Variants in HMGCLL1 observed in about 807,000 individuals in gnomAD.
The protein encoded by HMGCLL1 is 3-hydroxy-3-methylglutaryl-CoA lyase like 1, also known as 3-hydroxymethyl-3-methylglutaryl-CoA lyase, cytoplasmic.
Under a neutral mutation model 39.1 loss-of-function variants are expected in HMGCLL1, and 36 were observed. That is an observed-to-expected ratio of 0.92 (90% CI 0.71 to 1.22). The LOEUF is 1.22. Among genes scored for constraint, HMGCLL1 ranks in the 50% most tolerant of loss-of-function variants. The pLI is 0.00. For missense variants in HMGCLL1, 451 were observed against 416.5 expected (o/e 1.08, Z -0.72); for synonymous variants, 149 against 144.0 (o/e 1.03, Z -0.25).
chr6:55,673,120 A>G, the HMGCLL1 span, among the ~76,000 whole-genome samples: 1 of 151,974 alleles, frequency 6.6e-6, no homozygotes, highest in Admixed American at 6.6e-5. Flanking sequence ...ACCATTTCTC[A>G]TAACAGCAAG....
intron 1 of HMGCLL1, among the ~76,000 whole-genome samples, chr6:55,552,642 T>G (rs1370261598): frequency 6.6e-6 from 1 of 152,120 alleles, no homozygotes; most frequent in Admixed American, 6.5e-5. Flanking sequence ...ATTTTTTGTT[T>G]ATTTATTCAT....
At chr6:55,502,717 T>G (rs1002566248) in intron 5 of HMGCLL1, among the ~76,000 whole-genome samples, 23 of 19,484 alleles carry the variant, frequency 1.2e-3, no homozygotes, top group Admixed American at 2.8e-3. Flanking sequence ...GATCTGGTTT[T>G]TTTTTTTTTG....
intron 7 of HMGCLL1, among the ~76,000 whole-genome samples, chr6:55,469,888 A>G (rs1393996973): frequency 6.6e-6 from 1 of 151,868 alleles, no homozygotes; most frequent in Non-Finnish European, 1.5e-5. Flanking sequence ...ATAAAGCCAA[A>G]TGTCCCTTTT....
intron 7 of HMGCLL1, among the ~76,000 whole-genome samples, chr6:55,446,843 G>C (rs1373639519): frequency 2.6e-5 from 4 of 151,518 alleles, no homozygotes; most frequent in Non-Finnish European, 4.4e-5. Flanking sequence ...TAGTTATTGA[G>C]GTTACTAAAG....
chr6:55,549,305 C>G (rs1770178497), intron 1 of HMGCLL1, among the ~76,000 whole-genome samples: 1 of 151,646 alleles, frequency 6.6e-6, no homozygotes. Context: ...CACTCTCCCA[C>G]CTTGCTGTCA....
chr6:55,573,207 CTTAAT>C (rs1771605003), intron 1 of HMGCLL1, among the ~76,000 whole-genome samples: 1 of 152,150 alleles, frequency 6.6e-6, no homozygotes. Context: ...ACTTGATTAG[CTTAAT>C]TTAAGTTATC....
At chr6:55,527,096 A>C (rs1768361149) in intron 3 of HMGCLL1, among the ~76,000 whole-genome samples, 1 of 152,054 alleles carries the variant, frequency 6.6e-6, no homozygotes, top group South Asian at 2.1e-4. Flanking sequence ...CATATCTTCT[A>C]CCTTCTATAT....
At chr6:55,500,653 T>G (rs56918417) in intron 5 of HMGCLL1, among the ~76,000 whole-genome samples, 4,130 of 152,066 alleles carry the variant, frequency 0.027, 189 homozygotes, top group African/African-American at 0.095. Context: ...TGGAAAGTTA[T>G]GCCAGACAGG....
At chr6:55,620,571 C>T in the HMGCLL1 span, among the ~76,000 whole-genome samples, 2 of 151,894 alleles carry the variant, frequency 1.3e-5, no homozygotes, top group African/African-American at 4.8e-5. Context: ...AGCATTTTAA[C>T]TTAAAATATC....
chr6:55,434,605 C>A lies in HMGCLL1; in HGVS notation c.*1057G>T, dbSNP rs185129038. The A allele has an allele frequency of 2.0e-5, 3 of 152,108 alleles. 1 individual carries two copies. Among genetic ancestry groups the A allele is most frequent in the Admixed American group, 2.0e-4 (3 of 15,230 alleles). 9.4% of individuals were successfully genotyped at this position (152,108 alleles called of 1,614,324 possible). On this transcript the variant is annotated 3_prime_UTR_variant, in exon 9 of 9. Coordinates refer to ENST00000274901, the MANE Select transcript of HMGCLL1 (RefSeq NM_001042406.2). ...ACAGAAGTTTATCTTGAATAGTCCTCCTGCTCCTCATCCCTGACTTTGATA... is the reference window on the plus strand; with the variant it reads ...ACAGAAGTTTATCTTGAATAGTCCTACTGCTCCTCATCCCTGACTTTGATA...
chr6:55,541,011 G>T (rs1439680693), intron 3 of HMGCLL1, among the ~76,000 whole-genome samples: 2 of 152,070 alleles, frequency 1.3e-5, no homozygotes, highest in African/African-American at 4.8e-5. Flanking sequence ...CCAAGGAAAT[G>T]ATATCAGGAG....
the HMGCLL1 span, among the ~76,000 whole-genome samples, chr6:55,624,514 T>C: frequency 6.6e-6 from 1 of 152,172 alleles, no homozygotes; most frequent in African/African-American, 2.4e-5. Flanking sequence ...ATCATCTCTT[T>C]GGCTTTTTGT....
In HMGCLL1 at chr6:55,579,144, G is replaced by A; in HGVS notation, c.-89C>T. ...CGCGCTGGGAAACTGCGCCAGCTCG[G>A]GAGCGCGCCCCTCCGGTGCACTGGC... On this transcript the variant is annotated 5_prime_UTR_variant, in exon 1 of 9. Coordinates refer to ENST00000274901, the MANE Select transcript of HMGCLL1 (RefSeq NM_001042406.2). The A allele has an allele frequency of 1.0e-6, 1 of 979,032 alleles. No individual in the cohort carries two copies. The highest frequency in any genetic ancestry group is 1.6e-6 in the Non-Finnish European group (1 of 634,330). The allele number at this position is 979,032 out of a possible 1,614,324, so 60.6% of individuals were successfully genotyped here.
chr6:55,559,868 G>A (rs1453727700), intron 1 of HMGCLL1, among the ~76,000 whole-genome samples: 1 of 152,124 alleles, frequency 6.6e-6, no homozygotes, highest in East Asian at 1.9e-4. Context: ...TCCAGATGCT[G>A]AAATGTCTAG....
intron 3 of HMGCLL1, among the ~76,000 whole-genome samples, chr6:55,527,352 A>G (rs925548756): frequency 6.6e-6 from 1 of 152,072 alleles, no homozygotes; most frequent in Non-Finnish European, 1.5e-5. Flanking sequence ...CTCCTGTAAG[A>G]GCCAGGAATC....
At chr6:55,621,238 A>T in the HMGCLL1 span, among the ~76,000 whole-genome samples, 1 of 152,152 alleles carries the variant, frequency 6.6e-6, no homozygotes, top group South Asian at 2.1e-4. Context: ...AACAACATTG[A>T]TTATTCCAAT....
At chr6:55,596,941 A>G in the HMGCLL1 span, among the ~76,000 whole-genome samples, 1 of 152,156 alleles carries the variant, frequency 6.6e-6, no homozygotes, top group East Asian at 1.9e-4. Context: ...TTGTTAATTT[A>G]TCAACATAAA....
intron 1 of HMGCLL1, among the ~76,000 whole-genome samples, chr6:55,577,357 A>C (rs1026084864): frequency 6.6e-6 from 1 of 151,984 alleles, no homozygotes; most frequent in Non-Finnish European, 1.5e-5. Context: ...AAAAAAAAAA[A>C]AATTTAAAAT....
chr6:55,604,299 T>C, the HMGCLL1 span, among the ~76,000 whole-genome samples: 1 of 152,038 alleles, frequency 6.6e-6, no homozygotes, highest in Admixed American at 6.6e-5. Flanking sequence ...GAAAAGAAAA[T>C]CATATACATT....
Sources: allele counts gnomAD v4.1 joint callset (sites outside exome capture counted in the v4.1 genomes callset), GRCh38; gene constraint gnomAD v4.1.1; transcripts MANE v1.5; gene names NCBI Gene and HGNC (gene_info 2026-07-23, HGNC 2026-07-21).